Variants in WDR37 observed in about 807,000 individuals in gnomAD.
WDR37 encodes the protein WD repeat-containing protein 37.
In WDR37, 19 loss-of-function variants were observed where a neutral mutation model predicts 62.9. The ratio of observed to expected loss-of-function variants is 0.30; its 90% confidence interval spans 0.21 to 0.44. The LOEUF (loss-of-function observed/expected upper bound fraction) is 0.44. WDR37 is among the 20% of genes least tolerant of loss of function. WDR37 has a pLI of 1.00. For missense variants in WDR37, 474 were observed against 657.6 expected (o/e 0.72, Z 3.05); for synonymous variants, 250 against 260.9 (o/e 0.96, Z 0.40).
intron 11 of WDR37, among the ~76,000 whole-genome samples, chr10:1,106,586 G>A (rs1480234719): frequency 1.3e-5 from 2 of 151,732 alleles, no homozygotes; most frequent in African/African-American, 2.4e-5. Flanking sequence ...GTATGATCTC[G>A]GCTCACTGCA....
chr10:1,099,242 A>G (rs17155886), intron 9 of WDR37, among the ~76,000 whole-genome samples: 11,699 of 152,264 alleles, frequency 0.077, 471 homozygotes, highest in East Asian at 0.1. Context: ...AGTTTCAATG[A>G]CAGGATAAAT....
chr10:1,072,439 T>G (rs1833758901), intron 2 of WDR37, 146 bp downstream of exon 2: 1 of 1,138,614 alleles, frequency 8.8e-7, no homozygotes, highest in Non-Finnish European at 1.2e-6. Context: ...CTCAGCCTAC[T>G]GAGTAGCTGG....
intron 4 of WDR37, 66 bp from the exon 5 acceptor site, chr10:1,080,346 C>G: frequency 1.9e-6 from 3 of 1,600,186 alleles, no homozygotes; most frequent in Non-Finnish European, 1.7e-6. Context: ...GACACAAGAC[C>G]CATTTGTGAG....
In WDR37 at chr10:1,126,403, C is replaced by CCA. The variant is rs1564197418; in HGVS notation, c.1353+1379_1353+1380insCA. Among the ~76,000 whole-genome samples, 10 of 125,712 alleles carry CCA rather than the reference C, an allele frequency of 8.0e-5. No individual in the cohort carries two copies. In the East Asian group the frequency reaches 1.9e-3, roughly 24 times the overall value. The allele number at this position is 125,712 out of a possible 152,430, so 82.5% of individuals were successfully genotyped here. A position where few individuals can be genotyped will look rare whatever the true frequency, so the allele number is the denominator to read the frequency against. On this transcript the variant is annotated intron_variant, in intron 13 of 13. Transcript: ENST00000263150. The stretch of plus-strand genomic sequence containing the variant: ...CCTGGGCGACAGAGCGAGACTGTGT[C>CCA]TCAGAAAAAAAAAAAAGAAACTCCC...
chr10:1,091,952 G>A (rs894316295), intron 7 of WDR37, among the ~76,000 whole-genome samples: 2 of 144,538 alleles, frequency 1.4e-5, no homozygotes, highest in Non-Finnish European at 1.5e-5. Flanking sequence ...AGGCCGAGAC[G>A]GGCGGATCAC....
Position 1,131,713 on chromosome 10 carries a change from C to T in WDR37, c.*2369C>T. ...GTGTGTGTGTGTGTGTGTGTGTGTG[C>T]ACGTGTGTGTGGCTAAATTAAGTCA... On this transcript the variant is annotated 3_prime_UTR_variant, in exon 14 of 14. Transcript: ENST00000263150. The T allele has an allele frequency of 7.7e-6, 1 of 129,294 alleles. No individual in the cohort carries two copies. Among genetic ancestry groups the T allele is most frequent in the Non-Finnish European group, 1.7e-5 (1 of 59,708 alleles). 8.0% of individuals were successfully genotyped at this position (129,294 alleles called of 1,614,324 possible).
intron 8 of WDR37, among the ~76,000 whole-genome samples, chr10:1,095,626 C>G (rs546197387): frequency 6.6e-6 from 1 of 152,320 alleles, no homozygotes; most frequent in African/African-American, 2.4e-5. Context: ...GAGGCCTGTT[C>G]TGTGCCCCGC....
At chr10:1,126,475 C>T (rs971598131) in intron 13 of WDR37, among the ~76,000 whole-genome samples, 4 of 152,154 alleles carry the variant, frequency 2.6e-5, no homozygotes, top group Admixed American at 6.5e-5. Context: ...ATGGAGGCCC[C>T]CCCAGAGGAT....
In WDR37 at chr10:1,081,474, A is replaced by G. The variant is rs563998740; in HGVS notation, c.396+998A>G. Among the ~76,000 whole-genome samples the G allele has an allele frequency of 7.2e-5, 11 of 152,338 alleles. No homozygotes were observed. The South Asian group carries it at 1.9e-3, about 26-fold the overall frequency. ...GAGTTTAAAGTTAATTTAGCATGAC[A>G]TCTATAGTAAGATTAACTGCAATTA... On this transcript the variant is annotated intron_variant, in intron 5 of 13. Coordinates refer to ENST00000263150, the MANE Select transcript of WDR37 (RefSeq NM_014023.4).
chr10:1,124,054 C>A, intron 11 of WDR37, 164 bp from the exon 12 acceptor site: 1 of 790,946 alleles, frequency 1.3e-6, no homozygotes, highest in Non-Finnish European at 2.0e-6. Flanking sequence ...TTTTCTTGCA[C>A]TGGTGGAGAG....
Position 1,129,623 on chromosome 10 carries a change from T to G in WDR37, c.*279T>G. The G allele has an allele frequency of 2.9e-6, 1 of 347,822 alleles. No homozygotes were observed. The highest frequency in any genetic ancestry group is 5.3e-6 in the Non-Finnish European group (1 of 187,028). 21.5% of individuals were successfully genotyped at this position (347,822 alleles called of 1,614,324 possible). ...AGCACATGAAATGCTTGTGAGTTGT[T>G]GACATTGGACAGGTGAACAGTAGGG... On this transcript the variant is annotated 3_prime_UTR_variant, in exon 14 of 14. Transcript: ENST00000263150.
chr10:1,125,725 C>T (rs942182789), intron 13 of WDR37, among the ~76,000 whole-genome samples: 1 of 152,144 alleles, frequency 6.6e-6, no homozygotes, highest in Non-Finnish European at 1.5e-5. Flanking sequence ...TGGTTGTAGG[C>T]TGGGGGTCTT....
intron 2 of WDR37, among the ~76,000 whole-genome samples, chr10:1,076,176 G>A (rs1458793275): frequency 1.3e-5 from 2 of 151,884 alleles, no homozygotes; most frequent in Non-Finnish European, 2.9e-5. Context: ...AGGATGTTTA[G>A]AGGCTATAGT....
intron 13 of WDR37, among the ~76,000 whole-genome samples, chr10:1,128,241 T>C (rs1022565101): frequency 2.0e-5 from 3 of 152,260 alleles, no homozygotes; most frequent in Non-Finnish European, 4.4e-5. Context: ...CAACTTTACT[T>C]AATACTGACT....
At chr10:1,061,648 T>C (rs1467611014) in intron 1 of WDR37, among the ~76,000 whole-genome samples, 1 of 152,114 alleles carries the variant, frequency 6.6e-6, no homozygotes, top group African/African-American at 2.4e-5. Context: ...GAAACCACCT[T>C]GCCAACATGG....
chr10:1,069,389 A>ATATATATATATATATTT, intron 1 of WDR37, among the ~76,000 whole-genome samples: 18 of 95,780 alleles, frequency 1.9e-4, no homozygotes, highest in African/African-American at 8.0e-4. Flanking sequence ...ATATATATAT[A>ATATATATATATATATTT]TTTTTTTTTT....
chr10:1,064,519 C>T (rs1833475854), intron 1 of WDR37, among the ~76,000 whole-genome samples: 1 of 144,942 alleles, frequency 6.9e-6, no homozygotes, highest in Non-Finnish European at 1.5e-5. Flanking sequence ...AAACTGAAGA[C>T]AGAAGCATAG....
At chr10:1,083,464 G>A (rs745823905) in intron 5 of WDR37, among the ~76,000 whole-genome samples, 1 of 152,218 alleles carries the variant, frequency 6.6e-6, no homozygotes, top group Non-Finnish European at 1.5e-5. Flanking sequence ...TGCCAAATCA[G>A]TGTTTGAAAC....
intron 11 of WDR37, among the ~76,000 whole-genome samples, chr10:1,115,919 TG>T (rs1835380285): frequency 6.6e-6 from 1 of 152,160 alleles, no homozygotes; most frequent in Non-Finnish European, 1.5e-5. Flanking sequence ...AGCACACCTG[TG>T]TCTCCTCTCA....
Sources: allele counts gnomAD v4.1 joint callset (sites outside exome capture counted in the v4.1 genomes callset), GRCh38; gene constraint gnomAD v4.1.1; transcripts MANE v1.5; gene names NCBI Gene and HGNC (gene_info 2026-07-23, HGNC 2026-07-21).